SPATA7: variants seen among roughly 807,000 people sequenced by gnomAD.
The protein encoded by SPATA7 is spermatogenesis-associated protein 7.
A neutral mutation model predicts 51.8 loss-of-function variants in SPATA7; 43 were observed. The ratio of observed to expected loss-of-function variants is 0.83; its 90% confidence interval spans 0.65 to 1.07. SPATA7 has a LOEUF of 1.07. SPATA7 is among the 50% of genes least tolerant of loss of function. The pLI, the probability that SPATA7 is intolerant of heterozygous loss-of-function variation, is 0.00. For synonymous variants in SPATA7, 230 were observed against 252.8 expected, an observed-to-expected ratio of 0.91 and a Z score of 0.86; for missense variants, 683 against 701.3, an observed-to-expected ratio of 0.97 and a Z score of 0.30.
chr14:88,447,001 T>C (rs1380904941), intron 3 of SPATA7, among the ~76,000 whole-genome samples: 1 of 152,198 alleles, frequency 6.6e-6, no homozygotes, highest in Non-Finnish European at 1.5e-5. Flanking sequence ...CTATTATGTC[T>C]GCTTGGTGCA....
chr14:88,455,276 C>A, exon 4 of SPATA7: 1 of 325,790 alleles, frequency 3.1e-6, no homozygotes, highest in Middle Eastern at 5.4e-4. Flanking sequence ...TGCATTCTAA[C>A]TCTTAAAGTG....
chr14:88,411,487 G>C (rs1337690569), intron 4 of SPATA7, among the ~76,000 whole-genome samples: 1 of 152,090 alleles, frequency 6.6e-6, no homozygotes, highest in East Asian at 1.9e-4. Context: ...TGAAACCCAG[G>C]GCCTTGGTGG....
At chr14:88,402,286 G>C (rs1048815966) in intron 4 of SPATA7, among the ~76,000 whole-genome samples, 4 of 152,078 alleles carry the variant, frequency 2.6e-5, no homozygotes, top group Non-Finnish European at 5.9e-5. Flanking sequence ...TACAGAAATA[G>C]AACAAACAAT....
intron 4 of SPATA7, chr14:88,466,535 G>A (rs1443903081): frequency 2.0e-5 from 3 of 152,174 alleles, no homozygotes; most frequent in African/African-American, 7.2e-5. Context: ...CCCTAGATTT[G>A]ACATTTTGGA....
intron 6 of SPATA7, 31 bp downstream of exon 6, chr14:88,426,735 C>T: frequency 6.4e-7 from 1 of 1,562,172 alleles, no homozygotes; most frequent in Non-Finnish European, 8.8e-7. Context: ...ACAGTAAATC[C>T]TTCAGGAAAT....
intron 2 of SPATA7, 120 bp downstream of exon 2, chr14:88,391,575 T>G: frequency 1.2e-6 from 1 of 832,446 alleles, no homozygotes; most frequent in South Asian, 1.4e-5. Flanking sequence ...GAACTTCATA[T>G]TATTAATTTT....
chr14:88,445,032 G>C (rs2140040609), intron 3 of SPATA7, among the ~76,000 whole-genome samples: 1 of 152,074 alleles, frequency 6.6e-6, no homozygotes, highest in South Asian at 2.1e-4. Flanking sequence ...AAAGTCATTG[G>C]TAGCTTGATG....
chr14:88,428,072 A>G (rs1170997429), intron 7 of SPATA7: 3 of 157,574 alleles, frequency 1.9e-5, no homozygotes. Context: ...TTTTTTTTGT[A>G]AAGAATTGCC....
intron 4 of SPATA7, among the ~76,000 whole-genome samples, chr14:88,414,926 C>T (rs12589480): frequency 0.23 from 35,523 of 151,820 alleles, 4,279 homozygotes; most frequent in East Asian, 0.3. Context: ...ATATGTTTGG[C>T]GTGGTTTCAA....
At chr14:88,417,874 T>C (rs1002452691) in intron 5 of SPATA7, among the ~76,000 whole-genome samples, 2 of 152,216 alleles carry the variant, frequency 1.3e-5, no homozygotes, top group East Asian at 3.8e-4. Context: ...TACTCTAGCT[T>C]GTGTACATTT....
chr14:88,434,549 G>C (rs576384330), intron 10 of SPATA7, among the ~76,000 whole-genome samples: 1 of 151,982 alleles, frequency 6.6e-6, no homozygotes, highest in Non-Finnish European at 1.5e-5. Context: ...GCTGGGCGTG[G>C]TGGTGCGCGC....
rs147280341 is a variant in SPATA7 at position 88,430,478 on chromosome 14, C to G, written c.1029-694C>G. On this transcript the variant is annotated intron_variant, in intron 8 of 11. Transcript: ENST00000393545. The stretch of plus-strand genomic sequence containing the variant: ...AAGTAGAATAGTATAGTTGAGTATA[C>G]CTGAATAAAATTTAGCTTCAAATTA... Among the ~76,000 whole-genome samples the G allele has an allele frequency of 6.7e-3, 1,012 of 152,128 alleles. 10 individuals carry two copies. The highest frequency in any genetic ancestry group is 0.024 in the African/African-American group (977 of 41,500).
Position 88,409,905 on chromosome 14 carries a change from T to C in SPATA7, c.239-6806T>C, listed in dbSNP as rs532417734. On this transcript the variant is annotated intron_variant, in intron 4 of 11. Coordinates refer to ENST00000393545, the MANE Select transcript of SPATA7 (RefSeq NM_018418.5). ...TTCCATGTAGTTGTGTGGCTTTGAGTGAGTTTCTTAATCCTGAGTTCTAAT... is the reference window on the plus strand; with the variant it reads ...TTCCATGTAGTTGTGTGGCTTTGAGCGAGTTTCTTAATCCTGAGTTCTAAT... 2.0e-5 allele frequency among the ~76,000 whole-genome samples: 3 copies of C among 152,318 alleles called. No homozygotes were observed. The East Asian group carries it at 5.8e-4, about 29-fold the overall frequency.
intron 4 of SPATA7, among the ~76,000 whole-genome samples, chr14:88,402,076 G>A (rs1277207935): frequency 6.6e-6 from 1 of 152,004 alleles, no homozygotes; most frequent in African/African-American, 2.4e-5. Flanking sequence ...AAATGCTTAG[G>A]AATAACCTTA....
intron 3 of SPATA7, among the ~76,000 whole-genome samples, chr14:88,394,071 T>A (rs1040161726): frequency 1.6e-4 from 24 of 152,096 alleles, no homozygotes; most frequent in East Asian, 9.7e-4. Flanking sequence ...GCAAAAAATT[T>A]AAAAAAAAGT....
chr14:88,396,020 C>A (rs8011218), intron 3 of SPATA7, 136 bp from the exon 4 acceptor site: 1 of 719,236 alleles, frequency 1.4e-6, no homozygotes, highest in Non-Finnish European at 2.5e-6. Flanking sequence ...TATTTTTAAT[C>A]AAGGATCTTG....
chr14:88,456,158 C>G (rs536181875), downstream of SPATA7, among the ~76,000 whole-genome samples: 3 of 152,214 alleles, frequency 2.0e-5, no homozygotes, highest in South Asian at 6.2e-4. Flanking sequence ...CAAGTCTTTG[C>G]TATTATGAAT....
At chr14:88,434,867 T>A (rs2747083) in intron 10 of SPATA7, among the ~76,000 whole-genome samples, 150,426 of 152,218 alleles carry the variant, frequency 0.99, 74,349 homozygotes, top group Middle Eastern at 1. Flanking sequence ...TGGGTTTTAA[T>A]AAAAAATTGT....
chr14:88,424,594 C>T (rs1379506529), intron 5 of SPATA7, among the ~76,000 whole-genome samples: 1 of 152,072 alleles, frequency 6.6e-6, no homozygotes, highest in African/African-American at 2.4e-5. Context: ...GTAAATAATT[C>T]CTGTGCTTAT....
Sources: gnomAD v4.1 joint callset for allele counts (sites outside exome capture counted in the v4.1 genomes callset) on GRCh38, gnomAD v4.1.1 for gene constraint, MANE v1.5 for transcripts, NCBI Gene and HGNC (gene_info 2026-07-23, HGNC 2026-07-21) for gene names.